The following EAF2 variants were observed in gnomAD, a reference collection of about 807,000 sequenced individuals.
EAF2 encodes ELL-associated factor 2.
In EAF2, 29 loss-of-function variants were observed where a neutral mutation model predicts 29.4. The ratio of observed to expected loss-of-function variants is 0.99; its 90% CI spans 0.73 to 1.35. The LOEUF (loss-of-function observed/expected upper bound fraction) is 1.35, where lower values mean the gene tolerates loss of function less well. EAF2 is among the 40% of genes most tolerant of loss of function. The pLI is 0.00. For synonymous variants in EAF2, 103 were observed against 102.5 expected (o/e 1.00, Z -0.03); for missense variants, 292 against 312.0 (o/e 0.94, Z 0.48).
chr3:121,853,247 C>T (rs905486215), intron 2 of EAF2, among the ~76,000 whole-genome samples: 3 of 152,234 alleles, frequency 2.0e-5, no homozygotes, highest in African/African-American at 4.8e-5. Context: ...ATTGATAATA[C>T]TTCGTCCATA....
intron 2 of EAF2, among the ~76,000 whole-genome samples, chr3:121,848,335 G>A (rs2107507305): frequency 6.6e-6 from 1 of 152,206 alleles, no homozygotes; most frequent in Non-Finnish European, 1.5e-5. Context: ...ATCTCTTTTG[G>A]CTGCACTATA....
chr3:121,841,541 A>G (rs1708431116), intron 1 of EAF2, among the ~76,000 whole-genome samples: 1 of 24,812 alleles, frequency 4.0e-5, no homozygotes, highest in Non-Finnish European at 8.3e-5. Flanking sequence ...AAAAAAAAAA[A>G]AAGAAAGAAA....
At chr3:121,867,807 A>G (rs759351183) in intron 4 of EAF2, among the ~76,000 whole-genome samples, 4 of 152,336 alleles carry the variant, frequency 2.6e-5, no homozygotes, top group Middle Eastern at 3.4e-3. Context: ...AAATGATAAT[A>G]CCTTCTGATT....
At chr3:121,842,168 A>G (rs1708446913) in intron 1 of EAF2, among the ~76,000 whole-genome samples, 1 of 152,186 alleles carries the variant, frequency 6.6e-6, no homozygotes, top group African/African-American at 2.4e-5. Flanking sequence ...TGCAGGACAG[A>G]GTGAGACCCT....
rs199728332 is a variant in EAF2 at position 121,854,753 on chromosome 3, A to G, written c.268A>G (p.Ile90Val). The G allele has an allele frequency of 5.2e-5, 81 of 1,567,924 alleles. No homozygotes were observed. The highest frequency in any genetic ancestry group is 6.7e-5 in the Non-Finnish European group (78 of 1,167,458). The stretch of plus-strand genomic sequence containing the variant: ...ACCTTACTTAAAAGAATGCATTTTG[A>G]TTATTAACCATGATACTGGAGAATG... ...KKPYLKECILIINHDTGECRL... is the reference protein window; with the variant it reads ...KKPYLKECILVINHDTGECRL... Residue 90 changes from isoleucine (I) to valine (V), a missense_variant, in exon 3 of 6, where the codon ATT becomes GTT. Transcript: ENST00000273668.
At chr3:121,883,363 C>T (rs1266552962) in intron 5 of EAF2, among the ~76,000 whole-genome samples, 2 of 152,064 alleles carry the variant, frequency 1.3e-5, no homozygotes, top group Non-Finnish European at 2.9e-5. Flanking sequence ...TTGCCCCAAA[C>T]TATTTTTAAA....
chr3:121,867,284 G>C (rs963808480), intron 4 of EAF2, among the ~76,000 whole-genome samples: 1 of 152,142 alleles, frequency 6.6e-6, no homozygotes, highest in Non-Finnish European at 1.5e-5. Flanking sequence ...TAAACCCACA[G>C]ATGTAAAAAC....
At position 121,860,022 on chromosome 3, in the gene EAF2, C is replaced by T. The variant is rs1205424894; in HGVS notation, c.484+2866C>T. Among the ~76,000 whole-genome samples, 5 of 152,110 alleles carry T rather than the reference C, an allele frequency of 3.3e-5. No individual in the cohort carries two copies. In the South Asian group the frequency reaches 6.2e-4, roughly 19 times the overall value. On this transcript the variant is annotated intron_variant, in intron 4 of 5. Coordinates refer to ENST00000273668, the MANE Select transcript of EAF2 (RefSeq NM_018456.6). ...CAGCCTTGTATCCCAAGGATGAAGC[C>T]GACTTGATCATGGTGGATAAGCTTT... is the stretch of plus-strand genomic sequence containing the variant.
At chr3:121,884,907 T>C (rs889274625) in intron 5 of EAF2, among the ~76,000 whole-genome samples, 2 of 152,242 alleles carry the variant, frequency 1.3e-5, no homozygotes, top group Admixed American at 1.3e-4. Context: ...TTAACCATTG[T>C]AATTTACTAC....
At chr3:121,841,496 C>T in intron 1 of EAF2, among the ~76,000 whole-genome samples, 1 of 101,868 alleles carries the variant, frequency 9.8e-6, no homozygotes, top group South Asian at 3.1e-4. Context: ...CAGAGGGAGA[C>T]CCTGTCTCAA....
chr3:121,883,481 G>A (rs924836954), intron 5 of EAF2, among the ~76,000 whole-genome samples: 3 of 152,138 alleles, frequency 2.0e-5, no homozygotes, highest in Non-Finnish European at 1.5e-5. Context: ...AACAATACTT[G>A]GAATTTATGA....
intron 1 of EAF2, 46 bp downstream of exon 1, chr3:121,835,437 G>C: frequency 6.5e-7 from 1 of 1,538,728 alleles, no homozygotes; most frequent in East Asian, 2.3e-5. Flanking sequence ...TCCCGGGATG[G>C]GGGTGAAGAG....
At chr3:121,876,230 A>G (rs540312663) in intron 5 of EAF2, among the ~76,000 whole-genome samples, 39 of 152,088 alleles carry the variant, frequency 2.6e-4, no homozygotes, top group Middle Eastern at 6.8e-3. Flanking sequence ...AAGCCAAAAG[A>G]TAGTGGGGGA....
In EAF2 at chr3:121,854,703, T is replaced by C. The variant is rs890798651; in HGVS notation, c.218T>C (p.Val73Ala). 1 of 1,553,820 alleles carries C rather than the reference T, an allele frequency of 6.4e-7. No homozygotes were observed. The highest frequency in any genetic ancestry group is 8.6e-7 in the Non-Finnish European group (1 of 1,162,700). ...TTTAAACAGGGTTCAACTCCACCAG[T>C]AACTGTTTTCAAAGGTTCAAAAAAA... ...LPNIEGSTPP[V>A]TVFKGSKKPY... Residue 73 changes from valine to alanine, a missense_variant, in exon 3 of 6, where the codon GTA becomes GCA. Val to Ala is a moderately conservative substitution (Grantham distance 64, BLOSUM62 0). Transcript: ENST00000273668.
At chr3:121,854,386 A>G (rs897855415) in intron 2 of EAF2, among the ~76,000 whole-genome samples, 1 of 151,840 alleles carries the variant, frequency 6.6e-6, no homozygotes, top group Non-Finnish European at 1.5e-5. Context: ...CATAAAATAT[A>G]TTGGTTGTGT....
At chr3:121,877,897 T>C (rs9872161) in intron 5 of EAF2, among the ~76,000 whole-genome samples, 5,311 of 152,192 alleles carry the variant, frequency 0.035, 320 homozygotes, top group African/African-American at 0.12. Flanking sequence ...TTCTCCTGCC[T>C]CAGCTTCCCC....
At chr3:121,849,158 T>C (rs1708583876) in intron 2 of EAF2, among the ~76,000 whole-genome samples, 1 of 152,190 alleles carries the variant, frequency 6.6e-6, no homozygotes, top group South Asian at 2.1e-4. Flanking sequence ...CTATTGTTTA[T>C]ATGAACTTGC....
intron 5 of EAF2, among the ~76,000 whole-genome samples, chr3:121,883,887 T>C (rs1296099601): frequency 2.6e-5 from 4 of 152,228 alleles, no homozygotes; most frequent in Non-Finnish European, 5.9e-5. Flanking sequence ...AAAACTTGAC[T>C]GAATATTTCC....
intron 4 of EAF2, among the ~76,000 whole-genome samples, chr3:121,866,971 G>A (rs1427430855): frequency 6.6e-6 from 1 of 152,050 alleles, no homozygotes; most frequent in Non-Finnish European, 1.5e-5. Flanking sequence ...AGAAATAGAA[G>A]TTTTAAGTAA....
Sources: allele counts gnomAD v4.1 joint callset (sites outside exome capture counted in the v4.1 genomes callset), GRCh38; gene constraint gnomAD v4.1.1; transcripts MANE v1.5; gene names NCBI Gene and HGNC (gene_info 2026-07-23, HGNC 2026-07-21).